The following MRE11 variants were observed in gnomAD, a reference collection of about 807,000 sequenced individuals.
MRE11 encodes MRE11 double strand break repair nuclease.
In MRE11, 62 loss-of-function variants were observed where a neutral mutation model predicts 91.7. The ratio of observed to expected loss-of-function variants is 0.68; its 90% CI spans 0.55 to 0.84. The LOEUF is 0.84. Among genes scored for constraint, MRE11 ranks in the 40% least tolerant of loss-of-function variants. The pLI, the probability that MRE11 is intolerant of heterozygous loss-of-function variation, is 0.00. For synonymous variants in MRE11, 273 were observed against 271.4 expected, an observed-to-expected ratio of 1.01 and a Z score of -0.06; for missense variants, 796 against 852.9, an observed-to-expected ratio of 0.93 and a Z score of 0.83.
chr11:94,448,497 T>G (rs770087847), intron 14 of MRE11, among the ~76,000 whole-genome samples: 42 of 151,732 alleles, frequency 2.8e-4, no homozygotes, highest in Non-Finnish European at 5.3e-4. Context: ...CTTGAGAGGC[T>G]GAGGTAGGAG....
upstream of MRE11, chr11:94,498,475 C>G: frequency 1.9e-6 from 3 of 1,613,894 alleles, no homozygotes; most frequent in South Asian, 3.3e-5. Context: ...GGACAAGTAT[C>G]TATCACTACC....
rs139369064 is a variant in MRE11 at position 94,437,613 on chromosome 11, G to A, written c.1868-378C>T. Among the ~76,000 whole-genome samples, 382 of 152,278 alleles carry A rather than the reference G, an allele frequency of 2.5e-3. 2 individuals are homozygous for A. The highest frequency in any genetic ancestry group is 8.8e-3 in the African/African-American group (367 of 41,566). On this transcript the variant is annotated intron_variant, in intron 16 of 19. Coordinates refer to ENST00000323929, the MANE Select transcript of MRE11 (RefSeq NM_005591.4). ...TGTTGACGATACCTTTATCCCTGTT[G>A]CTACATTAGGAGCCATGGGGTTCCA... is the stretch of plus-strand genomic sequence containing the variant.
intron 3 of MRE11, 146 bp downstream of exon 3, chr11:94,490,687 T>C: frequency 1.2e-6 from 1 of 840,096 alleles, no homozygotes. Context: ...GCATACAAAA[T>C]CAGCTTTGAG....
At chr11:94,502,698 C>T in the MRE11 span, among the ~76,000 whole-genome samples, 1 of 151,866 alleles carries the variant, frequency 6.6e-6, no homozygotes, top group African/African-American at 2.4e-5. Flanking sequence ...CTTTTTGAGA[C>T]AGACTCTCAC....
chr11:94,429,718 C>G (rs1198177524), intron 19 of MRE11, among the ~76,000 whole-genome samples, 193 bp downstream of exon 19: 1 of 152,114 alleles, frequency 6.6e-6, no homozygotes, highest in African/African-American at 2.4e-5. Context: ...CTGCTCACTA[C>G]CTGGGTGATG....
chr11:94,485,005 A>G (rs989243870), intron 4 of MRE11, among the ~76,000 whole-genome samples: 2 of 152,232 alleles, frequency 1.3e-5, no homozygotes, highest in Non-Finnish European at 2.9e-5. Flanking sequence ...TGAGGTCTGG[A>G]GTTCAAGACC....
chr11:94,428,316 T>C (rs1442975384), intron 19 of MRE11, among the ~76,000 whole-genome samples: 1 of 152,176 alleles, frequency 6.6e-6, no homozygotes, highest in Non-Finnish European at 1.5e-5. Flanking sequence ...CAATAAATGG[T>C]GCTAGGATAA....
At chr11:94,443,292 T>C (rs1349134015) in intron 16 of MRE11, among the ~76,000 whole-genome samples, 2 of 152,210 alleles carry the variant, frequency 1.3e-5, no homozygotes, top group East Asian at 1.9e-4. Flanking sequence ...CTACTGGTTG[T>C]AGAGTGCAGA....
chr11:94,429,788 C>T, intron 19 of MRE11, 123 bp downstream of exon 19: 1 of 823,414 alleles, frequency 1.2e-6, no homozygotes, highest in South Asian at 1.7e-5. Context: ...CACATGTACT[C>T]CCTGAACATA....
intron 9 of MRE11, among the ~76,000 whole-genome samples, chr11:94,469,923 C>G (rs1946663382): frequency 6.6e-6 from 1 of 152,098 alleles, no homozygotes; most frequent in Non-Finnish European, 1.5e-5. Flanking sequence ...CATTAATCCA[C>G]CCAACCTTAG....
chr11:94,461,009 A>G lies in MRE11; in HGVS notation c.1253T>C (p.Ile418Thr), dbSNP rs769500356. The G allele has an allele frequency of 1.2e-6, 2 of 1,613,576 alleles. No individual in the cohort carries two copies. The highest frequency in any genetic ancestry group is 1.7e-6 in the Non-Finnish European group (2 of 1,179,906). The change falls in exon 12 of 20, where the codon ATC becomes ACC. Residue 418 changes from isoleucine to threonine, a missense_variant. Physicochemically the swap from Ile to Thr is moderately conservative, Grantham distance 89. Coordinates refer to ENST00000323929, the MANE Select transcript of MRE11 (RefSeq NM_005591.4). ...TGEEINFGKL[I>T]TKPSEGTTLR... ...AGTTGTTCCTTCTGAAGGCTTTGTGATAAGTTTCCCAAAGTTGATCTCTTC... is the reference window on the plus strand; with the variant it reads ...AGTTGTTCCTTCTGAAGGCTTTGTGGTAAGTTTCCCAAAGTTGATCTCTTC...
At chr11:94,479,363 A>G (rs1413150273) in intron 5 of MRE11, among the ~76,000 whole-genome samples, 3 of 152,214 alleles carry the variant, frequency 2.0e-5, no homozygotes, top group Non-Finnish European at 4.4e-5. Flanking sequence ...GTGAGATTTT[A>G]TAAGATAGTT....
chr11:94,430,026 C>T, intron 18 of MRE11, 40 bp from the exon 19 acceptor site: 1 of 1,590,776 alleles, frequency 6.3e-7, no homozygotes, highest in Non-Finnish European at 8.6e-7. Context: ...CAATGAACTA[C>T]ATAATTCATC....
chr11:94,509,276 G>T, the MRE11 span, among the ~76,000 whole-genome samples: 3 of 151,880 alleles, frequency 2.0e-5, no homozygotes, highest in Non-Finnish European at 2.9e-5. Flanking sequence ...TATCCTTAAT[G>T]TATTTTTTTG....
At chr11:94,506,227 T>C in the MRE11 span, among the ~76,000 whole-genome samples, 4 of 151,790 alleles carry the variant, frequency 2.6e-5, no homozygotes, top group East Asian at 3.8e-4. Flanking sequence ...TTAAGTAGTA[T>C]GCTTATTACC....
intron 3 of MRE11, among the ~76,000 whole-genome samples, chr11:94,486,994 A>C (rs1314712201): frequency 2.6e-5 from 4 of 152,234 alleles, no homozygotes; most frequent in Non-Finnish European, 5.9e-5. Flanking sequence ...TTTAATAAAA[A>C]TGTGAGGTTT....
chr11:94,478,324 T>A (rs931444756), intron 6 of MRE11, among the ~76,000 whole-genome samples: 7 of 152,200 alleles, frequency 4.6e-5, no homozygotes, highest in African/African-American at 1.7e-4. Context: ...AGATATAACA[T>A]CCAGATTTCA....
At chr11:94,479,978 A>G (rs539857808) in intron 4 of MRE11, among the ~76,000 whole-genome samples, 1 of 152,280 alleles carries the variant, frequency 6.6e-6, no homozygotes, top group East Asian at 1.9e-4. Flanking sequence ...AGAAACCCCA[A>G]CTATAATAAA....
chr11:94,482,041 G>A (rs1947025679), intron 4 of MRE11, among the ~76,000 whole-genome samples: 1 of 152,106 alleles, frequency 6.6e-6, no homozygotes, highest in African/African-American at 2.4e-5. Flanking sequence ...TCCCCAAGTT[G>A]CTGAAAAACA....
Sources: allele counts gnomAD v4.1 joint callset (sites outside exome capture counted in the v4.1 genomes callset), GRCh38; gene constraint gnomAD v4.1.1; transcripts MANE v1.5; gene names NCBI Gene and HGNC (gene_info 2026-07-23, HGNC 2026-07-21).